FERMT2: variants seen among roughly 807,000 people sequenced by gnomAD.
The protein encoded by FERMT2 is fermitin family homolog 2.
A neutral mutation model predicts 82.7 loss-of-function variants in FERMT2; 15 were observed. The observed-to-expected ratio is 0.18, with a 90% CI of 0.12 to 0.28. FERMT2 has a LOEUF of 0.28. Ranked by LOEUF, FERMT2 falls within the 10% of genes least tolerant of loss-of-function variation. The pLI is 1.00. For missense variants in FERMT2, 645 were observed against 809.4 expected, an observed-to-expected ratio of 0.80 and a Z score of 2.46; for synonymous variants, 274 against 271.5, an observed-to-expected ratio of 1.01 and a Z score of -0.09.
intron 3 of FERMT2, among the ~76,000 whole-genome samples, chr14:52,905,418 T>C (rs368213129): frequency 1.3e-5 from 2 of 152,248 alleles, no homozygotes; most frequent in East Asian, 3.9e-4. Flanking sequence ...ATTTATTGCT[T>C]TGATTAAAAA....
At chr14:52,915,124 A>G (rs1888546996) in intron 3 of FERMT2, among the ~76,000 whole-genome samples, 1 of 152,186 alleles carries the variant, frequency 6.6e-6, no homozygotes, top group African/African-American at 2.4e-5. Context: ...TAAAAAGCAC[A>G]ATATCTTTCT....
At chr14:52,922,544 A>G (rs1029217477) in intron 2 of FERMT2, among the ~76,000 whole-genome samples, 1 of 152,198 alleles carries the variant, frequency 6.6e-6, no homozygotes, top group Non-Finnish European at 1.5e-5. Flanking sequence ...AATAAAAGAC[A>G]GGCTCAAACA....
At chr14:52,916,480 T>C (rs779620593) in intron 3 of FERMT2, among the ~76,000 whole-genome samples, 1 of 151,888 alleles carries the variant, frequency 6.6e-6, no homozygotes, top group Non-Finnish European at 1.5e-5. Flanking sequence ...AGTCCAAACA[T>C]ATGATATTCT....
At chr14:52,896,598 C>G (rs11621275) in intron 3 of FERMT2, among the ~76,000 whole-genome samples, 121,612 of 152,096 alleles carry the variant, frequency 0.8, 50,288 homozygotes, top group Non-Finnish European at 0.9. Context: ...TCTAAAATGA[C>G]AACAGTGCCT....
intron 3 of FERMT2, among the ~76,000 whole-genome samples, chr14:52,904,642 G>T (rs1042832927): frequency 6.7e-6 from 1 of 150,196 alleles, no homozygotes; most frequent in Non-Finnish European, 1.5e-5. Flanking sequence ...GCATTGAGCC[G>T]AGATTGCACC....
chr14:52,930,725 G>GT (rs1555373404), intron 2 of FERMT2, among the ~76,000 whole-genome samples: 1 of 152,172 alleles, frequency 6.6e-6, no homozygotes, highest in Non-Finnish European at 1.5e-5. Flanking sequence ...CAATAGAAGA[G>GT]TTTTTAACTT....
intron 3 of FERMT2, among the ~76,000 whole-genome samples, chr14:52,895,763 TAC>T (rs1566736052): frequency 6.6e-6 from 1 of 152,174 alleles, no homozygotes; most frequent in Non-Finnish European, 1.5e-5. Flanking sequence ...TTTAAATAGA[TAC>T]AGTTTATGGT....
intron 10 of FERMT2, among the ~76,000 whole-genome samples, chr14:52,869,666 T>C (rs1327022999): frequency 1.3e-5 from 2 of 152,086 alleles, no homozygotes; most frequent in African/African-American, 4.8e-5. Flanking sequence ...AATGACTATG[T>C]TACTGGTTTA....
chr14:52,865,657 T>TA (rs1885227461), intron 10 of FERMT2, among the ~76,000 whole-genome samples: 1 of 152,192 alleles, frequency 6.6e-6, no homozygotes, highest in South Asian at 2.1e-4. Context: ...CACAATGTCA[T>TA]ATGATCATGC....
intron 2 of FERMT2, among the ~76,000 whole-genome samples, chr14:52,926,418 ACACACACAC>A (rs1889278106): frequency 9.1e-5 from 1 of 11,010 alleles, no homozygotes; most frequent in Non-Finnish European, 4.4e-4. Context: ...TGCAACACAC[ACACACACAC>A]ACACACACAC....
chr14:52,858,747 C>T (rs78244020), intron 14 of FERMT2, 197 bp from the exon 15 acceptor site: 176 of 504,300 alleles, frequency 3.5e-4, no homozygotes, highest in African/African-American at 3.1e-3. Context: ...TTCCCCTACA[C>T]TTTAAGTTTT....
intron 14 of FERMT2, 57 bp downstream of exon 14, chr14:52,859,516 A>G: frequency 2.1e-6 from 3 of 1,402,584 alleles, no homozygotes; most frequent in Non-Finnish European, 2.8e-6. Flanking sequence ...TTTATTCTTA[A>G]TGTACTAATT....
At chr14:52,871,316 A>G (rs1022551907) in intron 10 of FERMT2, 13 of 152,266 alleles carry the variant, frequency 8.5e-5, no homozygotes, top group Non-Finnish European at 1.5e-4. Flanking sequence ...ACTGTGGAAC[A>G]GACAGTGCAG....
chr14:52,874,359 A>G (rs1310195915), intron 8 of FERMT2, 133 bp from the exon 9 acceptor site: 2 of 524,244 alleles, frequency 3.8e-6, no homozygotes, highest in Admixed American at 7.8e-5. Context: ...GATTTAAACA[A>G]CAAAATCACA....
At chr14:52,893,605 A>C (rs528579366) in intron 3 of FERMT2, among the ~76,000 whole-genome samples, 178 bp from the exon 4 acceptor site, 4 of 152,322 alleles carry the variant, frequency 2.6e-5, no homozygotes, top group African/African-American at 9.6e-5. Flanking sequence ...AAGCATTCTT[A>C]ATTCGTAACT....
chr14:52,933,678 C>T (rs978279413), intron 2 of FERMT2, among the ~76,000 whole-genome samples: 5 of 141,254 alleles, frequency 3.5e-5, no homozygotes, highest in Admixed American at 1.5e-4. Flanking sequence ...CCATTGCACT[C>T]CAGCCTGGGC....
At chr14:52,884,586 A>G (rs1886478928) in intron 4 of FERMT2, among the ~76,000 whole-genome samples, 1 of 152,036 alleles carries the variant, frequency 6.6e-6, no homozygotes, top group Non-Finnish European at 1.5e-5. Flanking sequence ...GGGTGACAAG[A>G]GCGAAACTCC....
At chr14:52,885,339 A>AAAAAATT (rs56869155) in intron 4 of FERMT2, among the ~76,000 whole-genome samples, 1 of 150,540 alleles carries the variant, frequency 6.6e-6, no homozygotes, top group Non-Finnish European at 1.5e-5. Context: ...AAAAAAAAAA[A>AAAAAATT]TCTGTTACTA....
intron 10 of FERMT2, among the ~76,000 whole-genome samples, chr14:52,865,254 G>A (rs1885200636): frequency 1.3e-5 from 2 of 152,158 alleles, no homozygotes; most frequent in African/African-American, 4.8e-5. Flanking sequence ...CTGTGAGGTG[G>A]AGGTTGCAGT....
Sources: allele counts gnomAD v4.1 joint callset (sites outside exome capture counted in the v4.1 genomes callset), GRCh38; gene constraint gnomAD v4.1.1; transcripts MANE v1.5; gene names NCBI Gene and HGNC (gene_info 2026-07-23, HGNC 2026-07-21).